Variants in KCNB2 observed in about 807,000 individuals in gnomAD.
The protein encoded by KCNB2 is potassium voltage-gated channel subfamily B member 2, also known as delayed rectifier potassium channel protein.
A neutral mutation model predicts 61.5 loss-of-function variants in KCNB2; 15 were observed. The ratio of observed to expected loss-of-function variants is 0.24; its 90% CI spans 0.16 to 0.38. The LOEUF is 0.38. Among genes scored for constraint, KCNB2 ranks in the 10% least tolerant of loss-of-function variants. The probability of loss-of-function intolerance (pLI) is 1.00; values close to 1 mark genes in which losing one functional copy is unlikely to be tolerated. For synonymous variants in KCNB2, 457 were observed against 446.0 expected, an observed-to-expected ratio of 1.02 and a Z score of -0.31; for missense variants, 828 against 1,125.2, an observed-to-expected ratio of 0.74 and a Z score of 3.78.
rs1241507259 is a variant in KCNB2 at position 72,745,718 on chromosome 8, G to A, written c.579+177405G>A. ...GACTGATTGGATAAGAGATCAGAAG[G>A]TTGATCTCTGATCTCCAGCCCCTGC... On this transcript the variant is annotated intron_variant, in intron 2 of 2. Coordinates refer to ENST00000523207, the MANE Select transcript of KCNB2 (RefSeq NM_004770.3). Among the ~76,000 whole-genome samples the A allele has an allele frequency of 2.4e-4, 36 of 152,072 alleles. 1 individual carries two copies. The highest frequency in any genetic ancestry group is 2.9e-5 in the Non-Finnish European group (2 of 67,996).
chr8:72,646,589 C>T (rs888697245), intron 2 of KCNB2, among the ~76,000 whole-genome samples: 1 of 152,072 alleles, frequency 6.6e-6, no homozygotes, highest in African/African-American at 2.4e-5. Context: ...GGATGAACCT[C>T]GAGGACATTG....
chr8:72,617,965 T>C (rs914112714), intron 2 of KCNB2, among the ~76,000 whole-genome samples: 2 of 152,216 alleles, frequency 1.3e-5, no homozygotes, highest in African/African-American at 4.8e-5. Context: ...ACTTCAGGGC[T>C]CACAGCATGG....
At chr8:72,769,596 G>C (rs929049400) in intron 2 of KCNB2, among the ~76,000 whole-genome samples, 3 of 152,174 alleles carry the variant, frequency 2.0e-5, no homozygotes, top group Admixed American at 2.0e-4. Flanking sequence ...GACCCTCAGG[G>C]AGTTCCACTG....
chr8:72,908,813 C>A (rs2129007209), intron 2 of KCNB2, among the ~76,000 whole-genome samples: 1 of 152,316 alleles, frequency 6.6e-6, no homozygotes, highest in African/African-American at 2.4e-5. Flanking sequence ...AAAAGATTAT[C>A]TCCTTCCCAT....
chr8:72,723,959 T>TC (rs1227350174), intron 2 of KCNB2, among the ~76,000 whole-genome samples: 2 of 152,308 alleles, frequency 1.3e-5, no homozygotes, highest in African/African-American at 4.8e-5. Flanking sequence ...TCGATTTTTT[T>TC]TGGGCAGATT....
chr8:72,715,518 C>T (rs1328360298), intron 2 of KCNB2, among the ~76,000 whole-genome samples: 5 of 152,062 alleles, frequency 3.3e-5, no homozygotes, highest in African/African-American at 4.8e-5. Context: ...CACTCAAAAC[C>T]GCTCAACTAC....
At chr8:72,648,136 T>TG (rs772146183) in intron 2 of KCNB2, among the ~76,000 whole-genome samples, 1 of 152,096 alleles carries the variant, frequency 6.6e-6, no homozygotes, top group Non-Finnish European at 1.5e-5. Context: ...TGCAGAGGTG[T>TG]GAATGTTCGT....
chr8:72,900,018 CAAA>C (rs1457996363), intron 2 of KCNB2, among the ~76,000 whole-genome samples: 2 of 151,880 alleles, frequency 1.3e-5, no homozygotes, highest in Admixed American at 1.3e-4. Context: ...CAAAACAAAA[CAAA>C]AACAGCCTGA....
At chr8:72,600,997 TC>T (rs1805342471) in intron 2 of KCNB2, among the ~76,000 whole-genome samples, 1 of 142,460 alleles carries the variant, frequency 7.0e-6, no homozygotes, top group African/African-American at 2.7e-5. Context: ...GAAATAAAAG[TC>T]AAAAAAAAAA....
In KCNB2 at chr8:72,751,351, A is replaced by G. The variant is rs558391456; in HGVS notation, c.579+183038A>G. 2.6e-5 allele frequency: 4 copies of G among 152,296 alleles called. No homozygotes were observed. The East Asian group carries it at 5.8e-4, about 22-fold the overall frequency. 9.4% of individuals were successfully genotyped at this position (152,296 alleles called of 1,614,324 possible). A position where few individuals can be genotyped will look rare whatever the true frequency, so the allele number is the denominator to read the frequency against. On this transcript the variant is annotated intron_variant, in intron 2 of 2. Coordinates refer to ENST00000523207, the MANE Select transcript of KCNB2 (RefSeq NM_004770.3). Reference sequence around the variant, plus strand: ...ATTTGTAAAACATTCTTATGCATGGATATTAATATTTCATTACAATGTTAT... The same window carrying G: ...ATTTGTAAAACATTCTTATGCATGGGTATTAATATTTCATTACAATGTTAT...
chr8:72,616,820 A>G (rs777887181), intron 2 of KCNB2, among the ~76,000 whole-genome samples: 1 of 152,224 alleles, frequency 6.6e-6, no homozygotes, highest in Non-Finnish European at 1.5e-5. Flanking sequence ...TACTGCATAT[A>G]TGAAGAGGAG....
chr8:72,924,305 T>C (rs1472167481), intron 2 of KCNB2, among the ~76,000 whole-genome samples: 1 of 152,164 alleles, frequency 6.6e-6, no homozygotes. Context: ...AATCCACTCC[T>C]GTCCCCAGAA....
In KCNB2 at chr8:72,926,193, T is replaced by C. The variant is rs972401208; in HGVS notation, c.580-9742T>C. ...GGTTGATCTGTGCAGCAAACCACGT[T>C]TACCTATGTAACAAATCTGCACATC... On this transcript the variant is annotated intron_variant, in intron 2 of 2. Coordinates refer to ENST00000523207, the MANE Select transcript of KCNB2 (RefSeq NM_004770.3). Among the ~76,000 whole-genome samples, 2 of 152,048 alleles carry C rather than the reference T, an allele frequency of 1.3e-5. 1 individual carries two copies. The highest frequency in any genetic ancestry group is 1.3e-4 in the Admixed American group (2 of 15,264).
At chr8:72,841,218 G>A (rs1052205458) in intron 2 of KCNB2, among the ~76,000 whole-genome samples, 1 of 152,114 alleles carries the variant, frequency 6.6e-6, no homozygotes, top group Non-Finnish European at 1.5e-5. Flanking sequence ...GGTTGTAGAT[G>A]TGTGGCATTA....
intron 2 of KCNB2, among the ~76,000 whole-genome samples, chr8:72,670,929 A>G (rs1330572025): frequency 6.6e-6 from 1 of 152,202 alleles, no homozygotes; most frequent in Non-Finnish European, 1.5e-5. Flanking sequence ...TTAATTTTCC[A>G]ACTCCAAATG....
intron 2 of KCNB2, among the ~76,000 whole-genome samples, chr8:72,608,483 A>G (rs1805488383): frequency 6.6e-6 from 1 of 152,154 alleles, no homozygotes; most frequent in South Asian, 2.1e-4. Flanking sequence ...GAGGCTATTG[A>G]AACAGGTACT....
intron 2 of KCNB2, chr8:72,618,908 T>C (rs1258148381): frequency 3.0e-6 from 1 of 333,866 alleles, no homozygotes; most frequent in Non-Finnish European, 5.9e-6. Context: ...ATACCGCTAC[T>C]AGGGACTGAT....
intron 2 of KCNB2, among the ~76,000 whole-genome samples, chr8:72,890,994 A>G (rs11782712): frequency 0.052 from 7,973 of 152,246 alleles, 302 homozygotes; most frequent in Non-Finnish European, 0.08. Flanking sequence ...CACAAACCCC[A>G]TCGTCCTTAG....
chr8:72,884,413 G>A (rs1348488339), intron 2 of KCNB2, among the ~76,000 whole-genome samples: 1 of 152,112 alleles, frequency 6.6e-6, no homozygotes, highest in Non-Finnish European at 1.5e-5. Context: ...GCACGTGTGT[G>A]TATGTGTTGT....
Sources: gnomAD v4.1 joint callset for allele counts (sites outside exome capture counted in the v4.1 genomes callset) on GRCh38, gnomAD v4.1.1 for gene constraint, MANE v1.5 for transcripts, NCBI Gene and HGNC (gene_info 2026-07-23, HGNC 2026-07-21) for gene names.